CHN2: variants seen among roughly 807,000 people sequenced by gnomAD.
The protein encoded by CHN2 is chimerin 2.
CHN2 carries 35 observed loss-of-function variants against 56.3 expected under a neutral mutation model. The observed-to-expected ratio is 0.62, with a 90% CI of 0.47 to 0.82. The LOEUF (loss-of-function observed/expected upper bound fraction) is 0.82, where lower values mean the gene tolerates loss of function less well. Ranked by LOEUF, CHN2 falls within the 40% of genes least tolerant of loss-of-function variation. CHN2 has a pLI of 0.00. For synonymous variants in CHN2, 210 were observed against 212.8 expected (o/e 0.99, Z 0.12); for missense variants, 491 against 580.5 (o/e 0.85, Z 1.58).
intron 1 of CHN2, among the ~76,000 whole-genome samples, chr7:29,304,036 G>T (rs983350442): frequency 1.0e-4 from 15 of 150,544 alleles, no homozygotes; most frequent in Admixed American, 2.0e-4. Context: ...CTCCAGCCTG[G>T]GTGACAGAGT....
chr7:29,414,346 G>A lies in CHN2; in HGVS notation c.576+13518G>A, dbSNP rs375796452. Reference sequence around the variant, plus strand: ...ATTTTCTTTCCCCTCCAGTAAGTTCGGTGTAAAAATCAACCTACTCACAAG... The same window carrying A: ...ATTTTCTTTCCCCTCCAGTAAGTTCAGTGTAAAAATCAACCTACTCACAAG... On this transcript the variant is annotated intron_variant, in intron 6 of 12. Transcript: ENST00000222792. Among the ~76,000 whole-genome samples the A allele has an allele frequency of 2.1e-3, 321 of 152,202 alleles. 15 individuals are homozygous for A. In the South Asian group the frequency reaches 0.061, roughly 29 times the overall value.
chr7:29,212,306 T>TGTGG (rs1282761271), intron 1 of CHN2: 1 of 1,228,824 alleles, frequency 8.1e-7, no homozygotes, highest in Non-Finnish European at 1.2e-6. Context: ...CTAACATGAG[T>TGTGG]GTGGATCTGG....
intron 1 of CHN2, among the ~76,000 whole-genome samples, chr7:29,342,993 T>G (rs776272622): frequency 7.2e-5 from 11 of 152,256 alleles, no homozygotes; most frequent in Non-Finnish European, 1.3e-4. Context: ...GGGCGTAAGC[T>G]CTGGGTAAAT....
At position 29,146,933 on chromosome 7, in the gene CHN2, G is replaced by A; in HGVS notation, c.247G>A (p.Asp83Asn). 3 of 1,551,168 alleles carry A rather than the reference G, an allele frequency of 1.9e-6. No individual in the cohort carries two copies. In the South Asian group the frequency reaches 3.6e-5, roughly 18 times the overall value. The change falls in exon 2 of 7, where the codon GAT becomes AAT. Residue 83 changes from aspartate (D) to asparagine (N), a missense_variant. Coordinates refer to the CHN2 transcript ENST00000439384. ...TTTAAAAAGGCAACACACGTTCGCT[G>A]ATGGTCTACATTCCAGCTGCACTAG...
chr7:29,324,812 G>A lies in CHN2; in HGVS notation c.50-29813G>A, dbSNP rs1680706056. ...GTTTATTTCTTGTAAATATAGGGAA[G>A]TTTAATTTGATCCACTGTACATGGA... is the stretch of plus-strand genomic sequence containing the variant. On this transcript the variant is annotated intron_variant, in intron 1 of 12. Transcript: ENST00000222792. Among the ~76,000 whole-genome samples, 3 of 152,152 alleles carry A rather than the reference G, an allele frequency of 2.0e-5. No individual in the cohort carries two copies. The South Asian group carries it at 6.2e-4, about 32-fold the overall frequency.
intron 6 of CHN2, among the ~76,000 whole-genome samples, chr7:29,421,471 A>AC (rs1437484517): frequency 6.6e-6 from 1 of 152,190 alleles, no homozygotes; most frequent in Non-Finnish European, 1.5e-5. Context: ...GCTAAAAACG[A>AC]CTGGGTTTCA....
chr7:29,496,392 G>T (rs747654333), intron 8 of CHN2, among the ~76,000 whole-genome samples: 7 of 151,858 alleles, frequency 4.6e-5, no homozygotes, highest in Non-Finnish European at 8.8e-5. Context: ...GCTACAAAAG[G>T]TAAGACATAA....
intron 12 of CHN2, among the ~76,000 whole-genome samples, chr7:29,512,230 G>T (rs747358474): frequency 5.3e-5 from 8 of 151,096 alleles, no homozygotes; most frequent in Non-Finnish European, 8.8e-5. Context: ...CCATGGGCCA[G>T]CCTCAGAATC....
chr7:29,158,345 C>G (rs1794708535), intron 2 of CHN2, among the ~76,000 whole-genome samples: 1 of 152,138 alleles, frequency 6.6e-6, no homozygotes, highest in African/African-American at 2.4e-5. Context: ...CTTTTTATTG[C>G]TGTAGAGCAG....
intron 6 of CHN2, among the ~76,000 whole-genome samples, chr7:29,412,656 A>G (rs1803355335): frequency 6.6e-6 from 1 of 152,096 alleles, no homozygotes; most frequent in Non-Finnish European, 1.5e-5. Flanking sequence ...AACCTGGTAA[A>G]CCAGATTCTC....
chr7:29,347,186 C>T (rs754971617), intron 1 of CHN2, among the ~76,000 whole-genome samples: 2 of 152,058 alleles, frequency 1.3e-5, no homozygotes, highest in Non-Finnish European at 2.9e-5. Flanking sequence ...TTCTTGTACC[C>T]GTTGCTGAGA....
intron 1 of CHN2, among the ~76,000 whole-genome samples, chr7:29,311,079 A>C (rs1359681643): frequency 6.6e-6 from 1 of 152,152 alleles, no homozygotes; most frequent in East Asian, 1.9e-4. Context: ...TTCCCTTCCT[A>C]CTGCACACTT....
At chr7:29,265,424 G>C (rs776933707) in intron 1 of CHN2, among the ~76,000 whole-genome samples, 4 of 152,166 alleles carry the variant, frequency 2.6e-5, no homozygotes, top group Non-Finnish European at 5.9e-5. Context: ...TGGAAACCTC[G>C]TGCTCTTTTG....
At chr7:29,363,233 C>T (rs1798873976) in intron 2 of CHN2, among the ~76,000 whole-genome samples, 2 of 152,254 alleles carry the variant, frequency 1.3e-5, no homozygotes, top group Non-Finnish European at 2.9e-5. Flanking sequence ...CGCCTCTAAT[C>T]CCAGTGCTTT....
rs1339180192 is a variant in CHN2 at position 29,158,528 on chromosome 7, GTGATAATATTGATA to G, written c.274+11569_274+11582del. On this transcript the variant is annotated intron_variant, in intron 2 of 6. Transcript: ENST00000439384. ...TTTTATTGTGTAGCCTAGTCTTTAT[GTGATAATATTGATA>G]CTTAAGTTTACCAGAGAGGAAAATA... Among the ~76,000 whole-genome samples the G allele has an allele frequency of 8.2e-5, 3 of 36,758 alleles. No individual in the cohort carries two copies. In the East Asian group the frequency reaches 2.0e-3, roughly 25 times the overall value. The allele number at this position is 36,758 out of a possible 152,430, so 24.1% of individuals were successfully genotyped here. A position where few individuals can be genotyped will look rare whatever the true frequency, so the allele number is the denominator to read the frequency against.
intron 7 of CHN2, chr7:29,483,778 C>G (rs368420312): frequency 1.0e-5 from 12 of 1,142,952 alleles, no homozygotes; most frequent in South Asian, 7.6e-5. Context: ...CCCAGAGGCC[C>G]GGCAGTCGGC....
At chr7:29,330,942 A>G (rs561555443) in intron 1 of CHN2, among the ~76,000 whole-genome samples, 1 of 152,218 alleles carries the variant, frequency 6.6e-6, no homozygotes, top group Non-Finnish European at 1.5e-5. Flanking sequence ...AATTTAACCC[A>G]TTTAAACATC....
rs185502775 is a variant in CHN2, at chr7:29,326,267, C to T, written c.50-28358C>T. Among the ~76,000 whole-genome samples, 64 of 152,320 alleles carry T rather than the reference C, an allele frequency of 4.2e-4. No homozygotes were observed. The Middle Eastern group carries it at 0.014, about 32-fold the overall frequency. ...CCGCTTCCTGGGTTAAAGCGATTCT[C>T]CTGCCTCAGCCTCCCGAGTAGCTGG... On this transcript the variant is annotated intron_variant, in intron 1 of 12. Transcript: ENST00000222792.
chr7:29,327,154 G>A (rs1036872137), intron 1 of CHN2, among the ~76,000 whole-genome samples: 6 of 152,188 alleles, frequency 3.9e-5, no homozygotes, highest in African/African-American at 1.4e-4. Context: ...GATAATGCTG[G>A]AGAGAGGGAT....
Sources: allele counts gnomAD v4.1 joint callset (sites outside exome capture counted in the v4.1 genomes callset), GRCh38; gene constraint gnomAD v4.1.1; transcripts MANE v1.5; gene names NCBI Gene and HGNC (gene_info 2026-07-23, HGNC 2026-07-21).